Variants in SETDB1 observed in about 807,000 individuals in gnomAD.
SETDB1 encodes the protein histone-lysine N-methyltransferase SETDB1.
In SETDB1, 31 loss-of-function variants were observed where a neutral mutation model predicts 137.4. That is an observed-to-expected ratio of 0.23 (90% confidence interval 0.17 to 0.30). The LOEUF is 0.30. SETDB1 is among the 10% of genes least tolerant of loss of function. The probability of loss-of-function intolerance (pLI) is 1.00; values close to 1 mark genes in which losing one functional copy is unlikely to be tolerated. For missense variants in SETDB1, 1,113 were observed against 1,631.5 expected, an observed-to-expected ratio of 0.68 and a Z score of 5.47; for synonymous variants, 548 against 579.9, an observed-to-expected ratio of 0.95 and a Z score of 0.79.
chr1:150,930,677 C>T (rs192685886), intron 3 of SETDB1, among the ~76,000 whole-genome samples: 2 of 151,320 alleles, frequency 1.3e-5, no homozygotes, highest in South Asian at 2.1e-4. Context: ...ACAGGCAAAC[C>T]CCCTGCCCCA....
chr1:150,927,476 C>T (rs952703995), intron 1 of SETDB1, among the ~76,000 whole-genome samples: 2 of 152,102 alleles, frequency 1.3e-5, no homozygotes, highest in Non-Finnish European at 2.9e-5. Flanking sequence ...TTCTCCATGC[C>T]GTCTCAAACT....
At chr1:150,939,013 A>G (rs1670044229) in intron 3 of SETDB1, among the ~76,000 whole-genome samples, 1 of 151,812 alleles carries the variant, frequency 6.6e-6, no homozygotes, top group Non-Finnish European at 1.5e-5. Context: ...GTCTTGGCTT[A>G]CTGCAACCCT....
chr1:150,954,311 A>G (rs1670583039), intron 14 of SETDB1, among the ~76,000 whole-genome samples: 1 of 152,180 alleles, frequency 6.6e-6, no homozygotes, highest in Non-Finnish European at 1.5e-5. Context: ...GTGACAGAGC[A>G]TGACTCTTAT....
At position 150,942,255 on chromosome 1, in the gene SETDB1, A is replaced by G. The variant is rs141440571; in HGVS notation, c.548-308A>G. On this transcript the variant is annotated intron_variant, in intron 5 of 21. Transcript: ENST00000692827. ...AAAGATAGAGACCATCCTGGCTAAC[A>G]TGGTGAAACCCCGTCTCTACTAAAA... Among the ~76,000 whole-genome samples the G allele has an allele frequency of 6.6e-3, 1,007 of 152,070 alleles. 12 individuals carry two copies. The highest frequency in any genetic ancestry group is 0.02 in the African/African-American group (816 of 41,460).
intron 7 of SETDB1, 107 bp downstream of exon 7, chr1:150,943,160 A>G: frequency 1.4e-6 from 1 of 737,272 alleles, no homozygotes; most frequent in South Asian, 1.7e-5. Flanking sequence ...CTTAGTCCCC[A>G]GTGGACTGAA....
At chr1:150,933,240 A>G (rs150566189) in intron 3 of SETDB1, among the ~76,000 whole-genome samples, 1 of 151,676 alleles carries the variant, frequency 6.6e-6, no homozygotes. Context: ...TTTTTTTTGT[A>G]GTAGAGATAA....
intron 14 of SETDB1, among the ~76,000 whole-genome samples, chr1:150,958,241 T>G (rs1160173761): frequency 2.3e-5 from 3 of 128,834 alleles, no homozygotes; most frequent in Non-Finnish European, 5.0e-5. Context: ...TTTTTTTCTT[T>G]TTTTTCTTTT....
chr1:150,941,406 C>T lies in SETDB1; in HGVS notation c.525C>T (p.Ser175=), dbSNP rs754301991. 10 of 1,610,802 alleles carry T rather than the reference C, an allele frequency of 6.2e-6. No homozygotes were observed. Among genetic ancestry groups the T allele is most frequent in the Non-Finnish European group, 8.5e-6 (10 of 1,177,162 alleles). ...TCATGGATGCTGTCAACAAGAAGAG[C>T]AGTTCCCAGGATCTGCATAAAGGTT... ...QKFMDAVNKK[S]SSQDLHKGTL... Residue 175 remains serine, a synonymous_variant, in exon 5 of 22, where the codon AGC becomes AGT. Coordinates refer to ENST00000692827, the MANE Select transcript of SETDB1 (RefSeq NM_001366418.1).
chr1:150,946,609 C>T (rs587638717), intron 9 of SETDB1, among the ~76,000 whole-genome samples: 9 of 152,084 alleles, frequency 5.9e-5, no homozygotes, highest in Middle Eastern at 3.4e-3. Flanking sequence ...CCACCACACC[C>T]GGCTAATTTT....
chr1:150,938,040 C>T (rs906417889), intron 3 of SETDB1, among the ~76,000 whole-genome samples: 2 of 151,844 alleles, frequency 1.3e-5, no homozygotes, highest in East Asian at 3.9e-4. Flanking sequence ...CCAGCCTGGC[C>T]AATATGGCTG....
At chr1:150,930,901 C>T (rs587641768) in intron 3 of SETDB1, among the ~76,000 whole-genome samples, 1 of 151,946 alleles carries the variant, frequency 6.6e-6, no homozygotes, top group African/African-American at 2.4e-5. Flanking sequence ...TCCTTTCTAC[C>T]CTGGATATCT....
At chr1:150,963,363 A>C in intron 19 of SETDB1, 167 bp from the exon 20 acceptor site, 1 of 761,266 alleles carries the variant, frequency 1.3e-6, no homozygotes, top group Admixed American at 2.6e-5. Context: ...TAGCAGATCT[A>C]ATTATGCTTG....
rs771823321 is a variant in SETDB1 at position 150,964,632 on chromosome 1, G to A, written c.*268G>A. 1 of 629,486 alleles carries A rather than the reference G, an allele frequency of 1.6e-6. No individual in the cohort carries two copies. The highest frequency in any genetic ancestry group is 2.9e-6 in the Non-Finnish European group (1 of 350,112). 39.0% of individuals were successfully genotyped at this position (629,486 alleles called of 1,614,324 possible). A position where few individuals can be genotyped will look rare whatever the true frequency, so the allele number is the denominator to read the frequency against. On this transcript the variant is annotated 3_prime_UTR_variant, in exon 22 of 22. Coordinates refer to ENST00000692827, the MANE Select transcript of SETDB1 (RefSeq NM_001366418.1). ...TCCCTCCCATCCCATATTTGTCCAA[G>A]TGTTCCTGCTTCTAACAGACTTTGT... is the stretch of plus-strand genomic sequence containing the variant.
chr1:150,956,150 G>A (rs891370364), intron 14 of SETDB1, among the ~76,000 whole-genome samples: 7 of 150,050 alleles, frequency 4.7e-5, no homozygotes, highest in Non-Finnish European at 1.0e-4. Flanking sequence ...CACTTTGGGA[G>A]GCCGAGACAG....
rs758825424 is a variant in SETDB1 at position 150,949,157 on chromosome 1, A to G, written c.1303A>G (p.Thr435Ala). Reference sequence around the variant, plus strand: ...GAGCAAAGGCCCTGTTGTCCAGTACACACAGGATCTGACCGGTACTGGAAC... The same window carrying G: ...GAGCAAAGGCCCTGTTGTCCAGTACGCACAGGATCTGACCGGTACTGGAAC... ...VRSKGPVVQY[T>A]QDLTGTGTQF... The change falls in exon 11 of 22, where the codon ACA becomes GCA. Residue 435 changes from threonine (T) to alanine (A), a missense_variant. Thr to Ala is a moderately conservative substitution (Grantham distance 58, BLOSUM62 0). Transcript: ENST00000692827. 3.7e-6 allele frequency: 6 copies of G among 1,614,012 alleles called. No individual in the cohort carries two copies. The highest frequency in any genetic ancestry group is 4.2e-6 in the Non-Finnish European group (5 of 1,179,964).
At chr1:150,932,152 G>A (rs997587402) in intron 3 of SETDB1, among the ~76,000 whole-genome samples, 2 of 151,716 alleles carry the variant, frequency 1.3e-5, no homozygotes, top group African/African-American at 4.8e-5. Flanking sequence ...TTGGGAGGCC[G>A]AGTTGGGCAG....
At position 150,949,177 on chromosome 1, in the gene SETDB1, T is replaced by A; in HGVS notation, c.1323T>A (p.Thr441=). ...VVQYTQDLTG[T]GTQFKPVEPP... is the part of the protein sequence containing the mutation. Reference sequence around the variant, plus strand: ...AGTACACACAGGATCTGACCGGTACTGGAACCCAGTTCAAGCCAGTGGAAC... The same window carrying A: ...AGTACACACAGGATCTGACCGGTACAGGAACCCAGTTCAAGCCAGTGGAAC... The change falls in exon 11 of 22, where the codon ACT becomes ACA. Residue 441 remains threonine, a synonymous_variant. Transcript: ENST00000692827. The A allele has an allele frequency of 6.2e-7, 1 of 1,614,092 alleles. No individual in the cohort carries two copies. The highest frequency in any genetic ancestry group is 8.5e-7 in the Non-Finnish European group (1 of 1,180,010).
chr1:150,957,619 A>G (rs1268264780), intron 14 of SETDB1, among the ~76,000 whole-genome samples: 5 of 152,240 alleles, frequency 3.3e-5, no homozygotes, highest in Non-Finnish European at 7.3e-5. Context: ...TAGTTTTCTT[A>G]GTATAACTGT....
chr1:150,944,865 C>G, intron 8 of SETDB1, 53 bp from the exon 9 acceptor site: 1 of 1,593,868 alleles, frequency 6.3e-7, no homozygotes. Context: ...AGTCTTTTCC[C>G]TATCAAGACA....
Sources: gnomAD v4.1 joint callset for allele counts (sites outside exome capture counted in the v4.1 genomes callset) on GRCh38, gnomAD v4.1.1 for gene constraint, MANE v1.5 for transcripts, NCBI Gene and HGNC (gene_info 2026-07-23, HGNC 2026-07-21) for gene names.